The following ITGA8 variants were observed in gnomAD, a reference collection of about 807,000 sequenced individuals.
The protein encoded by ITGA8 is integrin subunit alpha 8, also known as integrin alpha-8.
Under a neutral mutation model 142.3 loss-of-function variants are expected in ITGA8, and 91 were observed. The observed-to-expected ratio is 0.64, with a 90% CI of 0.54 to 0.76. ITGA8 has a LOEUF of 0.76. Ranked by LOEUF, ITGA8 falls within the 30% of genes least tolerant of loss-of-function variation. The probability of loss-of-function intolerance (pLI) is 0.00; values close to 1 mark genes in which losing one functional copy is unlikely to be tolerated. For missense variants in ITGA8, 1,406 were observed against 1,327.7 expected, an observed-to-expected ratio of 1.06 and a Z score of -0.92; for synonymous variants, 505 against 485.2, an observed-to-expected ratio of 1.04 and a Z score of -0.54.
At chr10:15,716,939 G>A (rs927286537) in intron 2 of ITGA8, among the ~76,000 whole-genome samples, 2 of 152,164 alleles carry the variant, frequency 1.3e-5, no homozygotes, top group African/African-American at 4.8e-5. Context: ...TGGAATTACA[G>A]GCATAAGCCA....
chr10:15,524,265 G>A (rs1833124504), intron 28 of ITGA8, among the ~76,000 whole-genome samples: 1 of 152,160 alleles, frequency 6.6e-6, no homozygotes, highest in African/African-American at 2.4e-5. Context: ...AGTCACTACA[G>A]TAAGAACAGT....
At chr10:15,644,822 G>A (rs967717407) in intron 12 of ITGA8, among the ~76,000 whole-genome samples, 1 of 151,594 alleles carries the variant, frequency 6.6e-6, no homozygotes, top group Non-Finnish European at 1.5e-5. Flanking sequence ...GGCCTGGCGC[G>A]GTGGCTCACA....
intron 11 of ITGA8, among the ~76,000 whole-genome samples, chr10:15,649,591 A>G (rs933477015): frequency 4.7e-5 from 7 of 148,278 alleles, no homozygotes; most frequent in African/African-American, 1.5e-4. Flanking sequence ...TCGCACCACT[A>G]GATGGCAGAG....
intron 21 of ITGA8, among the ~76,000 whole-genome samples, chr10:15,596,030 A>G (rs1382054499): frequency 1.3e-5 from 2 of 152,214 alleles, no homozygotes; most frequent in African/African-American, 4.8e-5. Flanking sequence ...CAGCCTGGGC[A>G]ACAAGCGTGA....
At chr10:15,611,043 C>G (rs1034257313) in intron 15 of ITGA8, among the ~76,000 whole-genome samples, 2 of 152,060 alleles carry the variant, frequency 1.3e-5, no homozygotes, top group Non-Finnish European at 2.9e-5. Flanking sequence ...AAATCCACAT[C>G]GATGGAAGTG....
intron 28 of ITGA8, among the ~76,000 whole-genome samples, chr10:15,519,965 A>G (rs1443889475): frequency 1.3e-5 from 2 of 152,188 alleles, no homozygotes; most frequent in African/African-American, 2.4e-5. Flanking sequence ...ATTAGTGTCA[A>G]TACTAGGTCT....
intron 27 of ITGA8, among the ~76,000 whole-genome samples, chr10:15,538,884 A>G (rs981926821): frequency 6.6e-6 from 1 of 151,774 alleles, no homozygotes; most frequent in East Asian, 1.9e-4. Flanking sequence ...AACTCAGGAC[A>G]ACTTGTATTT....
chr10:15,633,938 C>T (rs1833726752), intron 13 of ITGA8, among the ~76,000 whole-genome samples: 2 of 152,208 alleles, frequency 1.3e-5, no homozygotes, highest in Admixed American at 6.5e-5. Flanking sequence ...CTCATCTAGT[C>T]CTTCTGTTCC....
At chr10:15,552,291 C>T (rs1588639694) in intron 26 of ITGA8, among the ~76,000 whole-genome samples, 1 of 152,102 alleles carries the variant, frequency 6.6e-6, no homozygotes, top group African/African-American at 2.4e-5. Context: ...CGTCCGCCAC[C>T]AGGCCTGGCT....
At chr10:15,686,597 G>A (rs1834836771) in intron 3 of ITGA8, among the ~76,000 whole-genome samples, 1 of 152,190 alleles carries the variant, frequency 6.6e-6, no homozygotes, top group Admixed American at 6.5e-5. Context: ...AACCCGCTAT[G>A]TATACCCATG....
rs563982487 is a variant in ITGA8, at chr10:15,535,355, T to G, written c.2881-4204A>C. On this transcript the variant is annotated intron_variant, in intron 27 of 29. Coordinates refer to ENST00000378076, the MANE Select transcript of ITGA8 (RefSeq NM_003638.3). ...CACGGGACTGGCAGGCAGCTCCACC[T>G]GCGGCGCCGGTGCGGGATCCACTAG... is the stretch of plus-strand genomic sequence containing the variant. 4.4e-3 allele frequency among the ~76,000 whole-genome samples: 668 copies of G among 152,318 alleles called. 4 individuals carry two copies. The highest frequency in any genetic ancestry group is 0.015 in the African/African-American group (635 of 41,578).
At chr10:15,524,885 G>A (rs1174010368) in intron 28 of ITGA8, among the ~76,000 whole-genome samples, 2 of 152,146 alleles carry the variant, frequency 1.3e-5, no homozygotes, top group Non-Finnish European at 2.9e-5. Context: ...CCTACAGGAA[G>A]CTTAGATAGA....
intron 28 of ITGA8, 79 bp downstream of exon 28, chr10:15,530,971 C>G (rs1833278029): frequency 2.3e-6 from 2 of 865,126 alleles, no homozygotes; most frequent in Non-Finnish European, 3.6e-6. Context: ...AACACTAAAG[C>G]CTAGCACAAG....
At chr10:15,641,586 A>G (rs1833872704) in intron 13 of ITGA8, among the ~76,000 whole-genome samples, 3 of 152,096 alleles carry the variant, frequency 2.0e-5, no homozygotes, top group Admixed American at 2.0e-4. Flanking sequence ...TATTTGAGAG[A>G]CAGAATTGGC....
rs555579273 is a variant in ITGA8 at position 15,557,756 on chromosome 10, C to T, written c.2766+318G>A. On this transcript the variant is annotated intron_variant, in intron 26 of 29. Transcript: ENST00000378076. Reference sequence around the variant, plus strand: ...ATGCTCACTTCAAACTACCACAGCCCAGCATCTATGCACGGACTAACAACT... The same window carrying T: ...ATGCTCACTTCAAACTACCACAGCCTAGCATCTATGCACGGACTAACAACT... 3.3e-4 allele frequency among the ~76,000 whole-genome samples: 51 copies of T among 152,316 alleles called. 1 individual carries two copies. The South Asian group carries it at 0.011, about 32-fold the overall frequency.
At chr10:15,562,393 C>T (rs1834000105) in intron 25 of ITGA8, among the ~76,000 whole-genome samples, 1 of 152,110 alleles carries the variant, frequency 6.6e-6, no homozygotes, top group African/African-American at 2.4e-5. Context: ...GGCTGTGGGA[C>T]TGTGCATGAC....
In ITGA8 at chr10:15,573,785, G is replaced by T. The variant is rs772232910; in HGVS notation, c.2479-1416C>A. ...ATCGAGAAGGAACCTCAAACAGAAC[G>T]CCTTGGAACATGGTTTTACCAAAAT... On this transcript the variant is annotated intron_variant, in intron 24 of 29. Transcript: ENST00000378076. Among the ~76,000 whole-genome samples, 2 of 151,934 alleles carry T rather than the reference G, an allele frequency of 1.3e-5. 1 individual carries two copies. Among genetic ancestry groups the T allele is most frequent in the South Asian group, 4.2e-4 (2 of 4,818 alleles).
At chr10:15,545,741 G>A (rs1588635677) in intron 27 of ITGA8, among the ~76,000 whole-genome samples, 1 of 150,754 alleles carries the variant, frequency 6.6e-6, no homozygotes, top group African/African-American at 2.4e-5. Flanking sequence ...ATTCAGTATT[G>A]TGTGCCTGAG....
chr10:15,625,905 T>C (rs980993007), intron 13 of ITGA8, among the ~76,000 whole-genome samples: 1 of 152,158 alleles, frequency 6.6e-6, no homozygotes, highest in African/African-American at 2.4e-5. Flanking sequence ...GCTGCAGACA[T>C]AGACAAGCAA....
Sources: gnomAD v4.1 joint callset for allele counts (sites outside exome capture counted in the v4.1 genomes callset) on GRCh38, gnomAD v4.1.1 for gene constraint, MANE v1.5 for transcripts, NCBI Gene and HGNC (gene_info 2026-07-23, HGNC 2026-07-21) for gene names.